DLG2: variants seen among roughly 807,000 people sequenced by gnomAD.
DLG2 encodes the protein disks large homolog 2.
In DLG2, 45 loss-of-function variants were observed where a neutral mutation model predicts 132.5. The ratio of observed to expected loss-of-function variants is 0.34; its 90% CI spans 0.27 to 0.44. The LOEUF is 0.44. Ranked by LOEUF, DLG2 falls within the 20% of genes least tolerant of loss-of-function variation. The probability of loss-of-function intolerance (pLI) is 1.00; values close to 1 mark genes in which losing one functional copy is unlikely to be tolerated. For missense variants in DLG2, 1,045 were observed against 1,196.9 expected (o/e 0.87, Z 1.87); for synonymous variants, 424 against 419.6 (o/e 1.01, Z -0.13).
At chr11:84,473,638 A>C (rs2099114212) in intron 7 of DLG2, among the ~76,000 whole-genome samples, 1 of 152,012 alleles carries the variant, frequency 6.6e-6, no homozygotes, top group African/African-American at 2.4e-5. Flanking sequence ...AATTGAAAAA[A>C]AATCTAGCTA....
chr11:83,867,188 TG>T (rs1385859264), intron 16 of DLG2, among the ~76,000 whole-genome samples: 2 of 152,070 alleles, frequency 1.3e-5, no homozygotes, highest in African/African-American at 4.8e-5. Flanking sequence ...CATACAAGTT[TG>T]GGGAGGTAGG....
At chr11:85,535,396 A>G (rs2075513495) in intron 3 of DLG2, among the ~76,000 whole-genome samples, 1 of 152,092 alleles carries the variant, frequency 6.6e-6, no homozygotes, top group African/African-American at 2.4e-5. Context: ...ATATATATAT[A>G]AAAATAATGT....
At chr11:84,438,569 C>T (rs1028783690) in intron 7 of DLG2, among the ~76,000 whole-genome samples, 2 of 152,158 alleles carry the variant, frequency 1.3e-5, no homozygotes, top group African/African-American at 4.8e-5. Flanking sequence ...AGATTTATGG[C>T]AGCTTTTAAA....
intron 6 of DLG2, among the ~76,000 whole-genome samples, chr11:85,001,068 C>T (rs2058161108): frequency 6.6e-6 from 1 of 151,914 alleles, no homozygotes; most frequent in Non-Finnish European, 1.5e-5. Context: ...ACCCTTTTGC[C>T]CCACCCATAA....
At chr11:84,280,956 C>T (rs1313894023) in intron 7 of DLG2, among the ~76,000 whole-genome samples, 11 of 146,490 alleles carry the variant, frequency 7.5e-5, no homozygotes, top group African/African-American at 2.3e-4. Context: ...TTCCTGACCT[C>T]GTGATCCGCC....
rs368247037 is a variant in DLG2 at position 85,340,518 on chromosome 11, T to C, written c.41-55153A>G. On this transcript the variant is annotated intron_variant, in intron 3 of 27. Transcript: ENST00000376104. ...GGTGGGGGCTGGGGGAGGGATAGCA[T>C]TGGGAGAAATACCTAATGTAAATGA... Among the ~76,000 whole-genome samples the C allele has an allele frequency of 7.9e-5, 12 of 152,234 alleles. No individual in the cohort carries two copies. In the East Asian group the frequency reaches 2.3e-3, roughly 29 times the overall value.
chr11:85,393,329 G>C (rs1389037699), intron 3 of DLG2, among the ~76,000 whole-genome samples: 2 of 152,094 alleles, frequency 1.3e-5, no homozygotes, highest in Non-Finnish European at 2.9e-5. Flanking sequence ...AATAATAGTT[G>C]TTAGCATGGA....
chr11:83,748,396 T>A (rs890567022), intron 18 of DLG2, among the ~76,000 whole-genome samples: 37 of 152,334 alleles, frequency 2.4e-4, no homozygotes, highest in African/African-American at 7.2e-4. Context: ...TTCAACCTAG[T>A]TTAAATAAAG....
At chr11:84,953,517 C>T (rs1280044975) in intron 6 of DLG2, among the ~76,000 whole-genome samples, 2 of 152,256 alleles carry the variant, frequency 1.3e-5, no homozygotes, top group South Asian at 2.1e-4. Flanking sequence ...TAATTCAGCT[C>T]ATCCATTTTT....
chr11:83,816,844 T>C (rs534498766), intron 17 of DLG2, among the ~76,000 whole-genome samples: 19 of 152,320 alleles, frequency 1.2e-4, no homozygotes, highest in African/African-American at 4.3e-4. Flanking sequence ...ATTTTTGAGA[T>C]GTCAGACACA....
intron 18 of DLG2, among the ~76,000 whole-genome samples, chr11:83,656,233 T>C (rs942001080): frequency 2.6e-5 from 4 of 152,160 alleles, no homozygotes; most frequent in Admixed American, 2.0e-4. Context: ...CAATGAAACA[T>C]CGCTTTTCAA....
At chr11:84,974,495 C>G (rs1037527546) in intron 6 of DLG2, among the ~76,000 whole-genome samples, 14 of 152,164 alleles carry the variant, frequency 9.2e-5, no homozygotes, top group African/African-American at 7.2e-5. Context: ...GATAAAACAT[C>G]TGGAATGGTT....
chr11:84,359,085 G>A (rs1179681664), intron 7 of DLG2, among the ~76,000 whole-genome samples: 1 of 151,810 alleles, frequency 6.6e-6, no homozygotes, highest in Non-Finnish European at 1.5e-5. Context: ...TCTGACCCCA[G>A]AATTTGACCT....
chr11:84,094,636 A>T (rs1471672264), intron 10 of DLG2, among the ~76,000 whole-genome samples: 1 of 152,146 alleles, frequency 6.6e-6, no homozygotes, highest in Non-Finnish European at 1.5e-5. Context: ...TCCTCACATA[A>T]AGGAAGGGGC....
At chr11:84,261,830 C>T (rs2097551051) in intron 7 of DLG2, among the ~76,000 whole-genome samples, 1 of 152,060 alleles carries the variant, frequency 6.6e-6, no homozygotes, top group Non-Finnish European at 1.5e-5. Context: ...AGTTACAATT[C>T]ATGAGAAACT....
chr11:85,402,359 TA>T (rs2088224767), intron 3 of DLG2, among the ~76,000 whole-genome samples: 1 of 152,176 alleles, frequency 6.6e-6, no homozygotes. Flanking sequence ...TTTAAAAACT[TA>T]AATGTAAGAC....
chr11:85,151,965 A>G (rs1020557238), intron 5 of DLG2, among the ~76,000 whole-genome samples: 4 of 152,202 alleles, frequency 2.6e-5, no homozygotes, highest in Non-Finnish European at 4.4e-5. Flanking sequence ...TCATTCCATA[A>G]AACAAACAAA....
At chr11:84,738,342 C>G (rs933978432) in intron 6 of DLG2, among the ~76,000 whole-genome samples, 2 of 151,766 alleles carry the variant, frequency 1.3e-5, no homozygotes, top group South Asian at 2.1e-4. Context: ...TATATACCCT[C>G]TAGATTTGGC....
intron 6 of DLG2, among the ~76,000 whole-genome samples, chr11:84,777,205 T>A (rs1269492773): frequency 1.4e-5 from 2 of 145,586 alleles, no homozygotes; most frequent in Non-Finnish European, 3.0e-5. Flanking sequence ...TCCATCCATG[T>A]TGCTGCAAAA....
Sources: allele counts gnomAD v4.1 joint callset (sites outside exome capture counted in the v4.1 genomes callset), GRCh38; gene constraint gnomAD v4.1.1; transcripts MANE v1.5; gene names NCBI Gene and HGNC (gene_info 2026-07-23, HGNC 2026-07-21).